The following RALYL variants were observed in gnomAD, a reference collection of about 807,000 sequenced individuals.
The protein encoded by RALYL is RNA-binding Raly-like protein.
A neutral mutation model predicts 35.1 loss-of-function variants in RALYL; 29 were observed. The ratio of observed to expected loss-of-function variants is 0.83; its 90% CI spans 0.61 to 1.13. The LOEUF is 1.13. Ranked by LOEUF, RALYL falls within the 50% of genes most tolerant of loss-of-function variation. The pLI, the probability that RALYL is intolerant of heterozygous loss-of-function variation, is 0.00. For missense variants in RALYL, 359 were observed against 360.4 expected (o/e 1.00, Z 0.03); for synonymous variants, 120 against 127.6 (o/e 0.94, Z 0.40).
At chr8:84,542,756 G>A (rs182307508) in intron 2 of RALYL, among the ~76,000 whole-genome samples, 62 of 152,196 alleles carry the variant, frequency 4.1e-4, no homozygotes, top group Middle Eastern at 3.4e-3. Context: ...CATGAGAATG[G>A]ACTAATACAT....
rs570046053 is a variant in RALYL at position 84,222,365 on chromosome 8, A to C, written c.-24+37941A>C. Among the ~76,000 whole-genome samples, 4 of 152,244 alleles carry C rather than the reference A, an allele frequency of 2.6e-5. No homozygotes were observed. In the East Asian group the frequency reaches 7.7e-4, roughly 29 times the overall value. ...TAACACACTAATTTTATTTATGTAG[A>C]AATACATATTTAGCAACTGGAGATA... On this transcript the variant is annotated intron_variant, in intron 1 of 8. Coordinates refer to ENST00000521268, the MANE Select transcript of RALYL (RefSeq NM_173848.7).
intron 6 of RALYL, among the ~76,000 whole-genome samples, chr8:84,867,580 G>T (rs1009849117): frequency 9.2e-5 from 14 of 152,136 alleles, no homozygotes; most frequent in Admixed American, 7.9e-4. Context: ...ACACTCCAGG[G>T]TCTAAAAGAA....
intron 2 of RALYL, among the ~76,000 whole-genome samples, chr8:84,577,076 A>T (rs1278351846): frequency 1.3e-5 from 2 of 152,240 alleles, no homozygotes; most frequent in Non-Finnish European, 2.9e-5. Flanking sequence ...ACCACTTCAC[A>T]CAGCTTTTAT....
At chr8:84,758,670 A>C (rs570434383) in intron 2 of RALYL, among the ~76,000 whole-genome samples, 2 of 152,302 alleles carry the variant, frequency 1.3e-5, no homozygotes, top group South Asian at 4.1e-4. Context: ...GGAGAAAATG[A>C]AGGGTAAACA....
At chr8:84,738,085 A>T (rs912845003) in intron 2 of RALYL, among the ~76,000 whole-genome samples, 2 of 152,028 alleles carry the variant, frequency 1.3e-5, no homozygotes, top group African/African-American at 4.8e-5. Context: ...AAAGATTCAG[A>T]TAAGTAAGTC....
intron 1 of RALYL, among the ~76,000 whole-genome samples, chr8:84,298,695 A>T (rs868062780): frequency 3.3e-5 from 5 of 152,096 alleles, no homozygotes; most frequent in African/African-American, 1.2e-4. Flanking sequence ...TAAGCATGAA[A>T]TATTTTTCCA....
chr8:84,859,269 G>T (rs1053347497), intron 5 of RALYL, among the ~76,000 whole-genome samples: 1 of 152,082 alleles, frequency 6.6e-6, no homozygotes, highest in African/African-American at 2.4e-5. Flanking sequence ...TTTTTCATCG[G>T]CCATGCAGAA....
intron 1 of RALYL, among the ~76,000 whole-genome samples, chr8:84,272,234 A>C (rs188352926): frequency 6.6e-6 from 1 of 152,182 alleles, no homozygotes; most frequent in Non-Finnish European, 1.5e-5. Flanking sequence ...CTGGGAAAAC[A>C]GGCGCCCACC....
At chr8:84,374,821 C>T (rs752571955) in intron 1 of RALYL, among the ~76,000 whole-genome samples, 1 of 151,702 alleles carries the variant, frequency 6.6e-6, no homozygotes, top group Non-Finnish European at 1.5e-5. Context: ...ATGAGTTTAC[C>T]TGTATAACAA....
intron 1 of RALYL, among the ~76,000 whole-genome samples, chr8:84,317,661 C>A (rs972154810): frequency 2.0e-5 from 3 of 152,038 alleles, no homozygotes; most frequent in Non-Finnish European, 4.4e-5. Context: ...TTTGACAGAA[C>A]AAAATTGGGC....
intron 1 of RALYL, among the ~76,000 whole-genome samples, chr8:84,359,880 G>GT (rs75306640): frequency 0.38 from 54,749 of 143,272 alleles, 10,677 homozygotes; most frequent in East Asian, 0.51. Context: ...AAAATATCAT[G>GT]TTTTTTTTTT....
intron 1 of RALYL, among the ~76,000 whole-genome samples, chr8:84,450,944 T>G (rs1652069650): frequency 6.6e-6 from 1 of 152,048 alleles, no homozygotes; most frequent in African/African-American, 2.4e-5. Context: ...TCTGCTTATG[T>G]CTGGGTGTCT....
chr8:84,273,602 C>T (rs1164192650), intron 1 of RALYL, among the ~76,000 whole-genome samples: 1 of 152,182 alleles, frequency 6.6e-6, no homozygotes, highest in Non-Finnish European at 1.5e-5. Flanking sequence ...TTCAAGGATG[C>T]GTACATGTCT....
chr8:84,899,465 T>C (rs1384759168), intron 8 of RALYL, among the ~76,000 whole-genome samples: 1 of 152,182 alleles, frequency 6.6e-6, no homozygotes, highest in Admixed American at 6.5e-5. Context: ...ACCTCAAACA[T>C]ATTATGAGCA....
At chr8:84,869,525 A>G (rs1045820919) in intron 6 of RALYL, among the ~76,000 whole-genome samples, 7 of 152,182 alleles carry the variant, frequency 4.6e-5, no homozygotes, top group African/African-American at 1.4e-4. Context: ...CAGGGTTTCA[A>G]TAGTTTGGCA....
chr8:84,568,640 T>G (rs28868001), intron 2 of RALYL, among the ~76,000 whole-genome samples: 34,855 of 132,226 alleles, frequency 0.26, 5,302 homozygotes, highest in South Asian at 0.48. Flanking sequence ...ACTTCCACAA[T>G]GGTTGAACTA....
intron 1 of RALYL, among the ~76,000 whole-genome samples, chr8:84,300,999 G>A (rs769889092): frequency 7.9e-5 from 12 of 152,086 alleles, no homozygotes; most frequent in Non-Finnish European, 1.6e-4. Context: ...ATGTATGTAA[G>A]TGTGTTTTTG....
intron 1 of RALYL, among the ~76,000 whole-genome samples, chr8:84,249,506 G>T (rs1012827948): frequency 3.3e-5 from 5 of 152,034 alleles, no homozygotes; most frequent in African/African-American, 1.2e-4. Flanking sequence ...AACCATTTTT[G>T]AAATAAGTGA....
chr8:84,573,126 T>G (rs544293676), intron 2 of RALYL, among the ~76,000 whole-genome samples: 1 of 151,454 alleles, frequency 6.6e-6, no homozygotes, highest in South Asian at 2.1e-4. Context: ...CAATATATAT[T>G]TTTTTACTTT....
Sources: gnomAD v4.1 joint callset for allele counts (sites outside exome capture counted in the v4.1 genomes callset) on GRCh38, gnomAD v4.1.1 for gene constraint, MANE v1.5 for transcripts, NCBI Gene and HGNC (gene_info 2026-07-23, HGNC 2026-07-21) for gene names.